SLC6A13: variants seen among roughly 807,000 people sequenced by gnomAD.
The protein encoded by SLC6A13 is sodium- and chloride-dependent GABA transporter 2.
A neutral mutation model predicts 72.9 loss-of-function variants in SLC6A13; 69 were observed. The observed-to-expected ratio is 0.95, with a 90% CI of 0.78 to 1.16. SLC6A13 has a LOEUF of 1.16. Among genes scored for constraint, SLC6A13 ranks in the 50% most tolerant of loss-of-function variants. The probability of loss-of-function intolerance (pLI) is 0.00; values close to 1 mark genes in which losing one functional copy is unlikely to be tolerated. For synonymous variants in SLC6A13, 303 were observed against 303.0 expected (o/e 1.00, Z 0.00); for missense variants, 735 against 760.5 (o/e 0.97, Z 0.39).
intron 6 of SLC6A13, among the ~76,000 whole-genome samples, chr12:236,607 T>C (rs1297739042): frequency 1.3e-5 from 2 of 152,214 alleles, no homozygotes; most frequent in African/African-American, 4.8e-5. Context: ...TCCCAATAAG[T>C]GTGCTTAGCG....
chr12:260,990 G>A (rs1333552562), intron 1 of SLC6A13, among the ~76,000 whole-genome samples: 1 of 152,172 alleles, frequency 6.6e-6, no homozygotes, highest in Non-Finnish European at 1.5e-5. Flanking sequence ...AAGATGAGGT[G>A]GTCTAAGTAC....
intron 13 of SLC6A13, 30 bp from the exon 14 acceptor site, chr12:221,576 TGGGGGGC>T: frequency 1.3e-6 from 1 of 779,178 alleles, no homozygotes; most frequent in Non-Finnish European, 1.9e-6. Context: ...AGAAAGGGGT[TGGGGGGC>T]GGGGGCCTTG....
chr12:236,911 G>A (rs111566822), intron 6 of SLC6A13: 21 of 404,776 alleles, frequency 5.2e-5, no homozygotes, highest in Middle Eastern at 6.6e-4. Flanking sequence ...CCCACCCATC[G>A]TCAGTTCCAA....
chr12:250,067 A>G (rs111918306), intron 2 of SLC6A13, among the ~76,000 whole-genome samples: 3,125 of 152,266 alleles, frequency 0.021, 47 homozygotes, highest in Non-Finnish European at 0.029. Flanking sequence ...TCATAGGTAC[A>G]GTAAAGTATT....
intron 2 of SLC6A13, chr12:256,571 C>T (rs1056345323): frequency 1.3e-5 from 2 of 152,154 alleles, no homozygotes; most frequent in African/African-American, 4.8e-5. Flanking sequence ...CAGCTGTTTG[C>T]CTTGTGTTCT....
rs144612124 is a variant in SLC6A13 at position 237,914 on chromosome 12, G to A, written c.563+12C>T. On this transcript the variant is annotated intron_variant, in intron 5 of 14. Transcript: ENST00000343164. Reference sequence around the variant, plus strand: ...ACACGGCCCACAGTGGGTGGGGAAGGGTCTCACTTACTCCCAGAACTCGAT... The same window carrying A: ...ACACGGCCCACAGTGGGTGGGGAAGAGTCTCACTTACTCCCAGAACTCGAT... 1.3e-5 allele frequency: 21 copies of A among 1,600,326 alleles called. No individual in the cohort carries two copies. The highest frequency in any genetic ancestry group is 1.7e-5 in the Non-Finnish European group (20 of 1,167,588).
In SLC6A13 at chr12:242,624, C is replaced by T. The variant is rs1166649693; in HGVS notation, c.468G>A (p.Glu156=). 1 of 1,613,788 alleles carries T rather than the reference C, an allele frequency of 6.2e-7. No homozygotes were observed. The highest frequency in any genetic ancestry group is 8.5e-7 in the Non-Finnish European group (1 of 1,179,810). ...IDLPWGGCYH[E]WNTEHCMEFQ... ...GGGTGAGGACCATACCTGTGTTCCA[C>T]TCATGGTAGCAGCCGCCCCAGGGCA... Residue 156 remains glutamate (E), a synonymous_variant, in exon 4 of 15, where the codon GAG becomes GAA. Coordinates refer to ENST00000343164, the MANE Select transcript of SLC6A13 (RefSeq NM_016615.5).
Position 253,107 on chromosome 12 carries a change from T to C in SLC6A13, c.202+6744A>G, listed in dbSNP as rs933064871. Among the ~76,000 whole-genome samples the C allele has an allele frequency of 8.5e-5, 13 of 152,338 alleles. No homozygotes were observed. The South Asian group carries it at 1.9e-3, about 22-fold the overall frequency. On this transcript the variant is annotated intron_variant, in intron 2 of 14. Coordinates refer to ENST00000343164, the MANE Select transcript of SLC6A13 (RefSeq NM_016615.5). ...ACCTGCACCCCCATATCATCCATAC[T>C]AGTCTCCTCAAAAATTCTAAAATGT...
chr12:223,850 G>T, intron 11 of SLC6A13, 142 bp downstream of exon 11: 1 of 910,730 alleles, frequency 1.1e-6, no homozygotes, highest in South Asian at 1.6e-5. Flanking sequence ...TCGTTCCTGG[G>T]ATGGGGAAAA....
In SLC6A13 at chr12:259,753, A is replaced by G; in HGVS notation, c.202+98T>C. On this transcript the variant is annotated intron_variant, in intron 2 of 14. Transcript: ENST00000343164. ...AGCGTCCTCCTACCTCCAGAATTCTATACATCTATGGGACTCCCCAGAGGG... is the reference window on the plus strand; with the variant it reads ...AGCGTCCTCCTACCTCCAGAATTCTGTACATCTATGGGACTCCCCAGAGGG... 3 of 1,612,228 alleles carry G rather than the reference A, an allele frequency of 1.9e-6. No individual in the cohort carries two copies. In the South Asian group the frequency reaches 3.3e-5, roughly 18 times the overall value.
intron 7 of SLC6A13, among the ~76,000 whole-genome samples, chr12:234,514 T>C (rs1591835637): frequency 6.6e-6 from 1 of 152,068 alleles, no homozygotes; most frequent in Non-Finnish European, 1.5e-5. Flanking sequence ...TATTTTATTT[T>C]ATTTCATTTT....
At chr12:234,988 A>T in intron 7 of SLC6A13, 102 bp downstream of exon 7, 1 of 1,352,776 alleles carries the variant, frequency 7.4e-7, no homozygotes, top group Non-Finnish European at 1.0e-6. Flanking sequence ...TGGACACCCT[A>T]GGGTAGTGCT....
rs138398033 is a variant in SLC6A13, at chr12:258,244, A to G, written c.202+1607T>C. 8.4e-4 allele frequency among the ~76,000 whole-genome samples: 128 copies of G among 152,252 alleles called. 1 individual carries two copies. Among genetic ancestry groups the G allele is most frequent in the African/African-American group, 3.0e-3 (125 of 41,552 alleles). ...CATTTTCATCCCTCTGGAAACATTC[A>G]AGTTAACCTCCAACCCAGGGACAAT... is the stretch of plus-strand genomic sequence containing the variant. On this transcript the variant is annotated intron_variant, in intron 2 of 14. Transcript: ENST00000343164.
At chr12:261,763 G>A (rs573649901) in intron 1 of SLC6A13, among the ~76,000 whole-genome samples, 3 of 152,008 alleles carry the variant, frequency 2.0e-5, no homozygotes, top group South Asian at 2.1e-4. Flanking sequence ...CCGTCTCTAC[G>A]AAAAGTACAA....
intron 12 of SLC6A13, 151 bp downstream of exon 12, chr12:222,981 G>C (rs778654226): frequency 4.9e-6 from 3 of 606,592 alleles, no homozygotes; most frequent in African/African-American, 3.7e-5. Context: ...TCCAAAGGTA[G>C]CAATTTAGGA....
intron 2 of SLC6A13, among the ~76,000 whole-genome samples, chr12:245,242 C>T (rs35311301): frequency 0.072 from 11,000 of 152,286 alleles, 494 homozygotes; most frequent in Non-Finnish European, 0.095. Context: ...AGGCAGAGTA[C>T]GCAGAAGGGC....
chr12:250,151 T>C (rs953117691), intron 2 of SLC6A13, among the ~76,000 whole-genome samples: 9 of 152,164 alleles, frequency 5.9e-5, no homozygotes, highest in African/African-American at 2.2e-4. Context: ...CTCAACTTGA[T>C]AGAGGGCATC....
At chr12:240,220 T>G (rs949673161) in intron 4 of SLC6A13, among the ~76,000 whole-genome samples, 4 of 152,218 alleles carry the variant, frequency 2.6e-5, no homozygotes, top group African/African-American at 9.6e-5. Context: ...AGATTTTTTT[T>G]GGAGACCAAG....
At position 237,199 on chromosome 12, in the gene SLC6A13, A is replaced by G. The variant is rs1941965700; in HGVS notation, c.655T>C (p.Cys219Arg). 1 of 1,614,002 alleles carries G rather than the reference A, an allele frequency of 6.2e-7. No individual in the cohort carries two copies. The highest frequency in any genetic ancestry group is 1.3e-5 in the African/African-American group (1 of 74,904). ...ALCLLLAWVI[C>R]YFCIWKGVKS... The stretch of plus-strand genomic sequence containing the variant: ...ACCCCCTTCCAGATGCAGAAGTAGC[A>G]GATGACCCAGGCCAGCAGGAGGCAC... Residue 219 changes from cysteine to arginine, a missense_variant, in exon 6 of 15, where the codon TGC (cysteine) becomes CGC (arginine). Coordinates refer to ENST00000343164, the MANE Select transcript of SLC6A13 (RefSeq NM_016615.5).
Sources: gnomAD v4.1 joint callset for allele counts (sites outside exome capture counted in the v4.1 genomes callset) on GRCh38, gnomAD v4.1.1 for gene constraint, MANE v1.5 for transcripts, NCBI Gene and HGNC (gene_info 2026-07-23, HGNC 2026-07-21) for gene names.